The following GBP2 variants were observed in gnomAD, a reference collection of about 807,000 sequenced individuals.
The protein encoded by GBP2 is guanylate-binding protein 2.
A neutral mutation model predicts 60.8 loss-of-function variants in GBP2; 54 were observed. That is an observed-to-expected ratio of 0.89 (90% CI 0.71 to 1.11). The LOEUF (loss-of-function observed/expected upper bound fraction) is 1.11, where lower values mean the gene tolerates loss of function less well. Ranked by LOEUF, GBP2 falls within the 50% of genes most tolerant of loss-of-function variation. GBP2 has a pLI of 0.00. For synonymous variants in GBP2, 243 were observed against 256.5 expected, an observed-to-expected ratio of 0.95 and a Z score of 0.50; for missense variants, 665 against 703.3, an observed-to-expected ratio of 0.95 and a Z score of 0.62.
At position 89,112,520 on chromosome 1, in the gene GBP2, C is replaced by A. The variant is rs1435772870; in HGVS notation, c.1314G>T (p.Leu438=). 2 of 1,614,162 alleles carry A rather than the reference C, an allele frequency of 1.2e-6. No individual in the cohort carries two copies. The highest frequency in any genetic ancestry group is 1.7e-6 in the Non-Finnish European group (2 of 1,180,016). The change falls in exon 8 of 11, where the codon CTG becomes CTT. Residue 438 remains leucine (L), a synonymous_variant. Transcript: ENST00000370466. ...PGGYRLFTQK[L]QELKNKYYQV... is the part of the protein sequence containing the mutation. ...GGTAGTACTTATTCTTCAGCTCCTG[C>A]AGCTTCTGAGTAAAGAGACGGTAAC... is the stretch of plus-strand genomic sequence containing the variant.
chr1:89,120,152 G>A (rs1203803611), intron 4 of GBP2, 27 bp downstream of exon 4: 1 of 1,522,372 alleles, frequency 6.6e-7, no homozygotes. Context: ...TAGGTTTACT[G>A]CTGTTCTGGA....
rs1477988675 is a variant in GBP2 at position 89,121,805 on chromosome 1, C to CA, written c.161dup (p.Met55AspfsTer45). ...TTTTCTTCCCAGCCAGCTTGTTCAT[C>CA]AGGTAGGATTTGCCTGTGCGATAGA... is the stretch of plus-strand genomic sequence containing the variant. On this transcript the variant is annotated frameshift_variant, in exon 2 of 11. Coordinates refer to ENST00000370466, the MANE Select transcript of GBP2 (RefSeq NM_004120.5). LOFTEE classifies it high-confidence loss of function. 1 of 1,613,812 alleles carries CA rather than the reference C, an allele frequency of 6.2e-7. No homozygotes were observed. Among genetic ancestry groups the CA allele is most frequent in the African/African-American group, 1.3e-5 (1 of 74,886 alleles).
At chr1:89,116,005 C>T (rs939465781) in intron 6 of GBP2, among the ~76,000 whole-genome samples, 49 of 100,650 alleles carry the variant, frequency 4.9e-4, no homozygotes, top group African/African-American at 2.0e-3. Context: ...AGCTCTTAAC[C>T]ATTTATTTAA....
intron 1 of GBP2, among the ~76,000 whole-genome samples, chr1:89,124,038 T>C (rs1428493392): frequency 6.6e-6 from 1 of 152,228 alleles, no homozygotes; most frequent in Non-Finnish European, 1.5e-5. Flanking sequence ...TGGGAGTCTT[T>C]CCCTATCAGT....
intron 6 of GBP2, among the ~76,000 whole-genome samples, chr1:89,114,875 C>T (rs938337697): frequency 7.9e-5 from 12 of 152,172 alleles, no homozygotes; most frequent in African/African-American, 2.9e-4. Flanking sequence ...CTTTTTGACT[C>T]AATCCTGGAC....
chr1:89,111,805 T>A (rs894871569), intron 8 of GBP2, among the ~76,000 whole-genome samples: 6 of 152,190 alleles, frequency 3.9e-5, no homozygotes, highest in Non-Finnish European at 8.8e-5. Context: ...AAAAGTGTAA[T>A]TGGATTGTTT....
chr1:89,122,121 T>C (rs1570324486), intron 1 of GBP2, 138 bp from the exon 2 acceptor site: 1 of 526,658 alleles, frequency 1.9e-6, no homozygotes, highest in East Asian at 3.3e-5. Flanking sequence ...CTGGTTTCTC[T>C]TTAAGGCTGT....
chr1:89,109,655 T>C (rs1002189043), intron 10 of GBP2, 22 bp downstream of exon 10: 6 of 1,606,770 alleles, frequency 3.7e-6, no homozygotes, highest in Admixed American at 3.4e-5. Flanking sequence ...GAAGAGAAAA[T>C]TGAGATGATG....
intron 6 of GBP2, among the ~76,000 whole-genome samples, chr1:89,114,901 C>A (rs144381986): frequency 6.6e-6 from 1 of 152,116 alleles, no homozygotes; most frequent in Non-Finnish European, 1.5e-5. Flanking sequence ...CATCTCTCTG[C>A]GGTTTTAAGT....
At chr1:89,111,994 T>A (rs949137196) in intron 8 of GBP2, among the ~76,000 whole-genome samples, 1 of 152,230 alleles carries the variant, frequency 6.6e-6, no homozygotes, top group African/African-American at 2.4e-5. Context: ...CGGATATTAG[T>A]AATACATATT....
intron 6 of GBP2, among the ~76,000 whole-genome samples, chr1:89,116,552 C>T (rs951144302): frequency 1.1e-4 from 16 of 151,820 alleles, no homozygotes; most frequent in African/African-American, 3.9e-4. Flanking sequence ...TTTTATCCAT[C>T]ATTATACTCA....
rs1681138182 is a variant in GBP2, at chr1:89,110,344, C to T, written c.1363-78G>A. On this transcript the variant is annotated intron_variant, in intron 8 of 10. Coordinates refer to ENST00000370466, the MANE Select transcript of GBP2 (RefSeq NM_004120.5). ...CAGCAATCCCACCACTGGGTATCTACCCAGAGGAAAATAAGTCATTACACA... is the reference window on the plus strand; with the variant it reads ...CAGCAATCCCACCACTGGGTATCTATCCAGAGGAAAATAAGTCATTACACA... 6 of 1,029,232 alleles carry T rather than the reference C, an allele frequency of 5.8e-6. No individual in the cohort carries two copies. The South Asian group carries it at 6.8e-5, about 12-fold the overall frequency. 63.8% of individuals were successfully genotyped at this position (1,029,232 alleles called of 1,614,324 possible).
intron 6 of GBP2, among the ~76,000 whole-genome samples, chr1:89,115,084 C>G (rs973577214): frequency 4.6e-5 from 7 of 152,216 alleles, no homozygotes; most frequent in African/African-American, 1.7e-4. Context: ...TTCATCCACT[C>G]TGAAAAACTA....
At position 89,121,173 on chromosome 1, in the gene GBP2, G is replaced by C; in HGVS notation, c.288C>G (p.Leu96=). Reference sequence around the variant, plus strand: ...CTATATCTCCCAGGCCCTCAGTGTCGAGCAGAACTAGGGTGTGTTCTGGCT... The same window carrying C: ...CTATATCTCCCAGGCCCTCAGTGTCCAGCAGAACTAGGGTGTGTTCTGGCT... ...PKKPEHTLVL[L]DTEGLGDIEK... is the part of the protein sequence containing the mutation. Residue 96 remains leucine (L), a synonymous_variant, in exon 3 of 11, where the codon CTC becomes CTG. Transcript: ENST00000370466. 1 of 1,611,978 alleles carries C rather than the reference G, an allele frequency of 6.2e-7. No individual in the cohort carries two copies. The highest frequency in any genetic ancestry group is 8.5e-7 in the Non-Finnish European group (1 of 1,178,904).
intron 1 of GBP2, among the ~76,000 whole-genome samples, chr1:89,123,054 C>A (rs1350461584): frequency 1.3e-5 from 2 of 152,074 alleles, no homozygotes; most frequent in Non-Finnish European, 2.9e-5. Context: ...CAACTCGTCC[C>A]AGATTAGTTC....
At chr1:89,124,023 A>C (rs1405575642) in intron 1 of GBP2, among the ~76,000 whole-genome samples, 2 of 152,178 alleles carry the variant, frequency 1.3e-5, no homozygotes, top group African/African-American at 4.8e-5. Context: ...CATCACTTAG[A>C]AATATGGGAG....
chr1:89,122,612 A>G (rs1203181981), intron 1 of GBP2, among the ~76,000 whole-genome samples: 2 of 152,150 alleles, frequency 1.3e-5, no homozygotes, highest in African/African-American at 4.8e-5. Flanking sequence ...TAAGGGATTC[A>G]TGATGTTGAC....
intron 4 of GBP2, 60 bp downstream of exon 4, chr1:89,120,119 G>GA: frequency 8.0e-7 from 1 of 1,255,894 alleles, no homozygotes; most frequent in Non-Finnish European, 1.2e-6. Flanking sequence ...TGTACTTGGT[G>GA]AAAAAATGAA....
rs561659926 is a variant in GBP2, at chr1:89,119,242, G to A, written c.428+937C>T. 3 of 152,266 alleles carry A rather than the reference G, an allele frequency of 2.0e-5. No individual in the cohort carries two copies. The East Asian group carries it at 5.8e-4, about 29-fold the overall frequency. 9.4% of individuals were successfully genotyped at this position (152,266 alleles called of 1,614,324 possible). On this transcript the variant is annotated intron_variant, in intron 4 of 10. Transcript: ENST00000370466. ...AGTGAAACAGGCATTTCAGAAAGGTGGAAGGGATCAAATTTATGTAATGCT... is the reference window on the plus strand; with the variant it reads ...AGTGAAACAGGCATTTCAGAAAGGTAGAAGGGATCAAATTTATGTAATGCT...
Sources: allele counts gnomAD v4.1 joint callset (sites outside exome capture counted in the v4.1 genomes callset), GRCh38; gene constraint gnomAD v4.1.1; transcripts MANE v1.5; gene names NCBI Gene and HGNC (gene_info 2026-07-23, HGNC 2026-07-21).